The following GP9 variants were observed in gnomAD, a reference collection of about 807,000 sequenced individuals.
GP9 encodes the protein glycoprotein IX platelet, also known as platelet glycoprotein IX.
For missense variants in GP9, 228 were observed against 241.8 expected (o/e 0.94, Z 0.38); for synonymous variants, 116 against 116.7 (o/e 0.99, Z 0.04).
upstream of GP9, among the ~76,000 whole-genome samples, chr3:129,059,603 C>G (rs555395039): frequency 1.3e-5 from 2 of 152,322 alleles, no homozygotes; most frequent in South Asian, 4.1e-4. Context: ...CCACCCTTCT[C>G]TGAGCCCAGC....
At chr3:129,059,800 T>C (rs528983313), upstream of GP9, among the ~76,000 whole-genome samples, 33 of 152,240 alleles carry the variant, frequency 2.2e-4, no homozygotes, top group African/African-American at 7.5e-4. Context: ...GAGAAGGATG[T>C]GAGACCAAAA....
At chr3:129,055,048 G>C in the GP9 span, among the ~76,000 whole-genome samples, 24,738 of 152,116 alleles carry the variant, frequency 0.16, 4,035 homozygotes, top group East Asian at 0.49. Context: ...ACAAAGAGTC[G>C]GTCATGTCAG....
the GP9 span, among the ~76,000 whole-genome samples, chr3:129,055,320 T>C: frequency 6.6e-6 from 1 of 152,246 alleles, no homozygotes; most frequent in Non-Finnish European, 1.5e-5. Flanking sequence ...TATATAAATG[T>C]ATTTTAAGAA....
rs541753003 is a variant in GP9 at position 129,062,331 on chromosome 3, C to T, written c.*58C>T. The T allele has an allele frequency of 7.3e-6, 9 of 1,227,994 alleles. No homozygotes were observed. Among genetic ancestry groups the T allele is most frequent in the Non-Finnish European group, 1.0e-5 (9 of 873,554 alleles). 76.1% of individuals were successfully genotyped at this position (1,227,994 alleles called of 1,614,324 possible). A position where few individuals can be genotyped will look rare whatever the true frequency, so the allele number is the denominator to read the frequency against. On this transcript the variant is annotated 3_prime_UTR_variant, in exon 3 of 3. Coordinates refer to ENST00000307395, the MANE Select transcript of GP9 (RefSeq NM_000174.5). ...GGGGGCCAGTCCCTGAGGCAGGTCCCCAGACTCCACCAAGCCTGGTCAGCC... is the reference window on the plus strand; with the variant it reads ...GGGGGCCAGTCCCTGAGGCAGGTCCTCAGACTCCACCAAGCCTGGTCAGCC...
chr3:129,057,103 A>G (rs1576795336), upstream of GP9, among the ~76,000 whole-genome samples: 1 of 152,222 alleles, frequency 6.6e-6, no homozygotes, highest in East Asian at 1.9e-4. Context: ...GATAATGCCC[A>G]TGGGCCAGGC....
At chr3:129,060,389 C>A (rs1293014349), upstream of GP9, among the ~76,000 whole-genome samples, 1 of 152,274 alleles carries the variant, frequency 6.6e-6, no homozygotes, top group Admixed American at 6.5e-5. Flanking sequence ...GTGTTCTCAG[C>A]CAGTGGGAGC....
At position 129,062,366 on chromosome 3, in the gene GP9, A is replaced by G. The variant is rs1421076585; in HGVS notation, c.*93A>G. On this transcript the variant is annotated 3_prime_UTR_variant, in exon 3 of 3. Coordinates refer to ENST00000307395, the MANE Select transcript of GP9 (RefSeq NM_000174.5). ...CCAAGCCTGGTCAGCCCAAACCACC[A>G]GAAGCCCAGAATAAACTGGCAGCTC... 2 of 850,014 alleles carry G rather than the reference A, an allele frequency of 2.4e-6. No individual in the cohort carries two copies. The highest frequency in any genetic ancestry group is 3.6e-6 in the Non-Finnish European group (2 of 548,186). 52.7% of individuals were successfully genotyped at this position (850,014 alleles called of 1,614,324 possible).
upstream of GP9, among the ~76,000 whole-genome samples, chr3:129,058,735 C>T (rs1249834805): frequency 6.6e-6 from 1 of 152,252 alleles, no homozygotes; most frequent in Admixed American, 6.5e-5. Context: ...CAAAAGCCCA[C>T]ACACTACTGC....
chr3:129,058,218 A>C (rs927515241), upstream of GP9, among the ~76,000 whole-genome samples: 10 of 152,190 alleles, frequency 6.6e-5, no homozygotes, highest in African/African-American at 2.2e-4. Context: ...CTGATGGGGC[A>C]ATGTCCTGGA....
At position 129,061,517 on chromosome 3, in the gene GP9, A is replaced by G; in HGVS notation, c.-115A>G. On this transcript the variant is annotated 5_prime_UTR_variant, in exon 2 of 3. Coordinates refer to ENST00000307395, the MANE Select transcript of GP9 (RefSeq NM_000174.5). ...AGCCGCCCTCACCGCCCGGCCTTCT[A>G]CGGTGTCCAGAGACAGTTAGCCAGG... is the stretch of plus-strand genomic sequence containing the variant. The G allele has an allele frequency of 1.6e-6, 1 of 607,160 alleles. No homozygotes were observed. Among genetic ancestry groups the G allele is most frequent in the Non-Finnish European group, 2.9e-6 (1 of 340,068 alleles). 37.6% of individuals were successfully genotyped at this position (607,160 alleles called of 1,614,324 possible).
rs200640594 is a variant in GP9, at chr3:129,061,975, C to G, written c.236C>G (p.Thr79Ser). The change falls in exon 3 of 3, where the codon ACC becomes AGC. Residue 79 changes from threonine to serine, a missense_variant. Physicochemically the swap from Thr to Ser is moderately conservative, Grantham distance 58 (BLOSUM62 1). Transcript: ENST00000307395. ...TTTGACCACCTGCCCCAGCTGCAGA[C>G]CCTCGATGTGACGCAGAACCCCTGG... ...GAFDHLPQLQ[T>S]LDVTQNPWHC... 1.2e-6 allele frequency: 2 copies of G among 1,613,862 alleles called. No homozygotes were observed. Among genetic ancestry groups the G allele is most frequent in the Non-Finnish European group, 1.7e-6 (2 of 1,179,876 alleles).
At chr3:129,055,166 C>A in the GP9 span, among the ~76,000 whole-genome samples, 2 of 152,146 alleles carry the variant, frequency 1.3e-5, no homozygotes, top group Non-Finnish European at 2.9e-5. Flanking sequence ...GACCTCCTGT[C>A]CTGTCGTGGC....
chr3:129,055,231 T>C, the GP9 span, among the ~76,000 whole-genome samples: 2 of 152,230 alleles, frequency 1.3e-5, no homozygotes, highest in Non-Finnish European at 2.9e-5. Context: ...AAGGGGTCCA[T>C]TCAGTTTGGC....
In GP9 at chr3:129,061,951, T is replaced by G. The variant is rs121918037; in HGVS notation, c.212T>G (p.Phe71Cys). 1 of 1,613,888 alleles carries G rather than the reference T, an allele frequency of 6.2e-7. No homozygotes were observed. The highest frequency in any genetic ancestry group is 8.5e-7 in the Non-Finnish European group (1 of 1,179,890). ...CTTCAGTCCGTGCCCCCGGGAGCCT[T>G]TGACCACCTGCCCCAGCTGCAGACC... ...NSLQSVPPGAFDHLPQLQTLD... is the reference protein window; with the variant it reads ...NSLQSVPPGACDHLPQLQTLD... The change falls in exon 3 of 3, where the codon TTT (phenylalanine) becomes TGT (cysteine). Residue 71 changes from phenylalanine (F) to cysteine (C), a missense_variant. Transcript: ENST00000307395.
upstream of GP9, among the ~76,000 whole-genome samples, chr3:129,057,764 T>C (rs181319707): frequency 6.6e-6 from 1 of 150,836 alleles, no homozygotes; most frequent in Non-Finnish European, 1.5e-5. Context: ...AAAAATCAGA[T>C]GGTAATTGGA....
chr3:129,062,364 C>T lies in GP9; in HGVS notation c.*91C>T, dbSNP rs1946590723. 2 of 849,592 alleles carry T rather than the reference C, an allele frequency of 2.4e-6. No individual in the cohort carries two copies. The highest frequency in any genetic ancestry group is 3.7e-6 in the Non-Finnish European group (2 of 547,562). 52.6% of individuals were successfully genotyped at this position (849,592 alleles called of 1,614,324 possible). Reference sequence around the variant, plus strand: ...CACCAAGCCTGGTCAGCCCAAACCACCAGAAGCCCAGAATAAACTGGCAGC... The same window carrying T: ...CACCAAGCCTGGTCAGCCCAAACCATCAGAAGCCCAGAATAAACTGGCAGC... On this transcript the variant is annotated 3_prime_UTR_variant, in exon 3 of 3. Coordinates refer to ENST00000307395, the MANE Select transcript of GP9 (RefSeq NM_000174.5).
At chr3:129,059,528 G>A (rs967488046), upstream of GP9, among the ~76,000 whole-genome samples, 4 of 152,206 alleles carry the variant, frequency 2.6e-5, no homozygotes, top group Non-Finnish European at 5.9e-5. Context: ...GCACATACCA[G>A]GGGACCCCCA....
At chr3:129,057,316 G>T (rs1310007384), upstream of GP9, among the ~76,000 whole-genome samples, 1 of 152,240 alleles carries the variant, frequency 6.6e-6, no homozygotes, top group Non-Finnish European at 1.5e-5. Flanking sequence ...GGCCTTTGAG[G>T]AGGGGTCATC....
chr3:129,055,661 T>C, the GP9 span, among the ~76,000 whole-genome samples: 1 of 151,738 alleles, frequency 6.6e-6, no homozygotes, highest in Non-Finnish European at 1.5e-5. Context: ...TTTTTTTTTT[T>C]TAAGACAGAG....
Sources: gnomAD v4.1 joint callset for allele counts (sites outside exome capture counted in the v4.1 genomes callset) on GRCh38, gnomAD v4.1.1 for gene constraint, MANE v1.5 for transcripts, NCBI Gene and HGNC (gene_info 2026-07-23, HGNC 2026-07-21) for gene names.